The following PDGFD variants were observed in gnomAD, a reference collection of about 807,000 sequenced individuals.
PDGFD encodes the protein platelet-derived growth factor D.
PDGFD carries 30 observed loss-of-function variants against 44.7 expected under a neutral mutation model. The ratio of observed to expected loss-of-function variants is 0.67; its 90% CI spans 0.50 to 0.91. PDGFD has a LOEUF of 0.91. Ranked by LOEUF, PDGFD falls within the 40% of genes least tolerant of loss-of-function variation. PDGFD has a pLI of 0.00. For synonymous variants in PDGFD, 173 were observed against 168.4 expected (o/e 1.03, Z -0.21); for missense variants, 445 against 457.8 (o/e 0.97, Z 0.25).
intron 6 of PDGFD, among the ~76,000 whole-genome samples, chr11:103,925,319 C>A (rs1177950466): frequency 6.6e-6 from 1 of 152,068 alleles, no homozygotes; most frequent in Non-Finnish European, 1.5e-5. Flanking sequence ...GGTATATACC[C>A]AGTAATGGGA....
chr11:103,969,948 A>C (rs1361744756), intron 3 of PDGFD, among the ~76,000 whole-genome samples: 1 of 152,060 alleles, frequency 6.6e-6, no homozygotes, highest in Non-Finnish European at 1.5e-5. Flanking sequence ...AACAATACAG[A>C]GTTTCCCTAC....
chr11:104,111,972 T>G (rs1422261279), intron 1 of PDGFD, among the ~76,000 whole-genome samples: 1 of 152,330 alleles, frequency 6.6e-6, no homozygotes, highest in South Asian at 2.1e-4. Context: ...AGGATTTTAC[T>G]GGCAGTATCC....
chr11:104,035,263 G>A (rs142122281), intron 1 of PDGFD, among the ~76,000 whole-genome samples: 414 of 152,236 alleles, frequency 2.7e-3, no homozygotes, highest in African/African-American at 8.9e-3. Context: ...GACCCTCTGT[G>A]TTATCCACAC....
Position 103,909,635 on chromosome 11 carries a change from T to C in PDGFD, c.*59A>G. 6.3e-7 allele frequency: 1 copy of C among 1,599,568 alleles called. No individual in the cohort carries two copies. Among genetic ancestry groups the C allele is most frequent in the South Asian group, 1.1e-5 (1 of 90,442 alleles). ...TTGCTGGTAGGAAAAGGGTCTCTTA[T>C]CTCACCCTCCTTAAACTAAAGGTTC... On this transcript the variant is annotated 3_prime_UTR_variant, in exon 7 of 7. Coordinates refer to ENST00000393158, the MANE Select transcript of PDGFD (RefSeq NM_025208.5).
At chr11:104,117,359 A>G (rs914139751) in intron 1 of PDGFD, among the ~76,000 whole-genome samples, 3 of 152,154 alleles carry the variant, frequency 2.0e-5, no homozygotes, top group South Asian at 2.1e-4. Context: ...TCTCTTCAAC[A>G]TAGTACTGGA....
chr11:103,939,215 T>C (rs1337373879), intron 5 of PDGFD, among the ~76,000 whole-genome samples: 3 of 152,170 alleles, frequency 2.0e-5, no homozygotes, highest in Admixed American at 1.3e-4. Context: ...TTTCTTTGTA[T>C]CCTCTTTTAT....
chr11:103,959,338 C>T (rs942531405), intron 3 of PDGFD, among the ~76,000 whole-genome samples: 7 of 152,264 alleles, frequency 4.6e-5, no homozygotes, highest in African/African-American at 1.2e-4. Context: ...TAAATGAAAA[C>T]AAGTAATTCA....
In PDGFD at chr11:104,000,061, C is replaced by T. The variant is rs951351065; in HGVS notation, c.319G>A (p.Asp107Asn). 6.2e-7 allele frequency: 1 copy of T among 1,613,832 alleles called. No homozygotes were observed. Among genetic ancestry groups the T allele is most frequent in the East Asian group, 2.2e-5 (1 of 44,882 alleles). ...NQFGLEEAEN[D>N]ICRYDFVEVE... is the part of the protein sequence containing the mutation. ...TTTTTCCCAACTTACCTACAGATAT[C>T]ATTTTCTGCTTCCTCTAATCCAAAC... is the stretch of plus-strand genomic sequence containing the variant. Residue 107 changes from aspartate to asparagine, a missense_variant, in exon 2 of 7, where the codon GAT (aspartate) becomes AAT (asparagine). By Grantham distance (23) the Asp-to-Asn change is conservative (BLOSUM62 1). Coordinates refer to ENST00000393158, the MANE Select transcript of PDGFD (RefSeq NM_025208.5).
intron 3 of PDGFD, among the ~76,000 whole-genome samples, chr11:103,968,076 C>A (rs1197297585): frequency 2.0e-5 from 3 of 152,128 alleles, no homozygotes; most frequent in Non-Finnish European, 2.9e-5. Flanking sequence ...GTCTTTCTTG[C>A]GTTAACATTG....
intron 6 of PDGFD, among the ~76,000 whole-genome samples, chr11:103,922,437 C>T (rs1236680793): frequency 2.6e-5 from 4 of 152,144 alleles, no homozygotes; most frequent in Non-Finnish European, 5.9e-5. Context: ...TCCCCTCACC[C>T]TCCATCCTGA....
intron 3 of PDGFD, among the ~76,000 whole-genome samples, chr11:103,955,163 C>CAAAAAAAAAA (rs539890054): frequency 3.4e-5 from 2 of 58,412 alleles, no homozygotes; most frequent in Non-Finnish European, 5.9e-5. Flanking sequence ...GACTCCGTCT[C>CAAAAAAAAAA]AAAAAAAAAA....
intron 3 of PDGFD, among the ~76,000 whole-genome samples, chr11:103,948,545 A>G (rs1229547363): frequency 6.6e-6 from 1 of 152,214 alleles, no homozygotes; most frequent in African/African-American, 2.4e-5. Flanking sequence ...TAATTCTGTC[A>G]TTTTTACAAT....
chr11:104,063,522 G>A (rs1860744229), intron 1 of PDGFD, among the ~76,000 whole-genome samples: 1 of 151,874 alleles, frequency 6.6e-6, no homozygotes, highest in Non-Finnish European at 1.5e-5. Context: ...AGCAGTAGGT[G>A]TATACCTCAA....
intron 5 of PDGFD, among the ~76,000 whole-genome samples, chr11:103,927,328 A>T (rs1858334471): frequency 1.3e-5 from 2 of 152,216 alleles, no homozygotes; most frequent in South Asian, 4.1e-4. Context: ...TTTGAAAATA[A>T]CAACAAAAAC....
chr11:104,130,949 G>A (rs1343487343), intron 1 of PDGFD, among the ~76,000 whole-genome samples: 2 of 152,112 alleles, frequency 1.3e-5, no homozygotes, highest in Non-Finnish European at 1.5e-5. Context: ...CAATTAAACT[G>A]ACACAATATT....
intron 1 of PDGFD, among the ~76,000 whole-genome samples, chr11:104,143,067 C>A (rs1471744040): frequency 6.6e-6 from 1 of 152,166 alleles, no homozygotes; most frequent in Non-Finnish European, 1.5e-5. Flanking sequence ...GTTTTCCTTA[C>A]AGTGTGTATT....
chr11:104,014,584 G>C (rs1270831114), intron 1 of PDGFD, among the ~76,000 whole-genome samples: 1 of 152,116 alleles, frequency 6.6e-6, no homozygotes, highest in African/African-American at 2.4e-5. Context: ...TTTCAGATGA[G>C]TTAGAAGTAG....
intron 1 of PDGFD, among the ~76,000 whole-genome samples, chr11:104,035,571 T>C (rs1488195797): frequency 6.8e-5 from 10 of 147,966 alleles, no homozygotes; most frequent in Non-Finnish European, 1.4e-4. Context: ...CTTTTTTTTT[T>C]TTTTTTTTTT....
chr11:103,934,093 T>C (rs1858450216), intron 5 of PDGFD, among the ~76,000 whole-genome samples: 1 of 152,246 alleles, frequency 6.6e-6, no homozygotes, highest in Non-Finnish European at 1.5e-5. Context: ...AGCATGAGCT[T>C]TGCAGCCAAC....
Sources: gnomAD v4.1 joint callset for allele counts (sites outside exome capture counted in the v4.1 genomes callset) on GRCh38, gnomAD v4.1.1 for gene constraint, MANE v1.5 for transcripts, NCBI Gene and HGNC (gene_info 2026-07-23, HGNC 2026-07-21) for gene names.